The following AFF1 variants were observed in gnomAD, a reference collection of about 807,000 sequenced individuals.
AFF1 encodes AF4/FMR2 family member 1.
AFF1 carries 48 observed loss-of-function variants against 121.7 expected under a neutral mutation model. The observed-to-expected ratio is 0.39, with a 90% CI of 0.31 to 0.50. AFF1 has a LOEUF of 0.50. Among genes scored for constraint, AFF1 ranks in the 20% least tolerant of loss-of-function variants. The probability of loss-of-function intolerance (pLI) is 0.76; values close to 1 mark genes in which losing one functional copy is unlikely to be tolerated. For missense variants in AFF1, 1,523 were observed against 1,511.7 expected (o/e 1.01, Z -0.12); for synonymous variants, 613 against 563.0 (o/e 1.09, Z -1.26).
chr4:87,022,955 T>C (rs1318384846), intron 2 of AFF1, among the ~76,000 whole-genome samples: 1 of 151,864 alleles, frequency 6.6e-6, no homozygotes, highest in Non-Finnish European at 1.5e-5. Flanking sequence ...CAGACTGGAG[T>C]GTAGTGGTGT....
At chr4:87,000,109 C>T (rs2149518984) in intron 2 of AFF1, among the ~76,000 whole-genome samples, 1 of 152,116 alleles carries the variant, frequency 6.6e-6, no homozygotes, top group East Asian at 1.9e-4. Flanking sequence ...AAAGGAAATA[C>T]CTGTGAGAGC....
At chr4:87,035,024 A>T (rs539076407) in intron 2 of AFF1, among the ~76,000 whole-genome samples, 1 of 152,228 alleles carries the variant, frequency 6.6e-6, no homozygotes, top group Non-Finnish European at 1.5e-5. Context: ...CTGTAGGCAC[A>T]CATATATAAA....
At position 87,105,836 on chromosome 4, in the gene AFF1, C is replaced by T. The variant is rs745448426; in HGVS notation, c.1367C>T (p.Ala456Val). 4 of 1,614,024 alleles carry T rather than the reference C, an allele frequency of 2.5e-6. No individual in the cohort carries two copies. Among genetic ancestry groups the T allele is most frequent in the African/African-American group, 2.7e-5 (2 of 74,920 alleles). ...QTPEKPPSSS[A>V]PPSAPQSLPE... ...CCAGAGAAGCCTCCCTCCTCATCTG[C>T]ACCTCCAAGGTACCGTGTGGGTTTC... Residue 456 changes from alanine (A) to valine (V), a missense_variant, in exon 10 of 21, where the codon GCA (alanine) becomes GTA (valine). Coordinates refer to ENST00000395146, the MANE Select transcript of AFF1 (RefSeq NM_001166693.3).
At chr4:87,125,009 A>G in intron 12 of AFF1, 28 bp from the exon 13 acceptor site, 2 of 1,528,354 alleles carry the variant, frequency 1.3e-6, no homozygotes, top group South Asian at 1.2e-5. Flanking sequence ...GTTGGTAATA[A>G]TTTGCTTTGC....
At chr4:86,953,774 C>T (rs1323234752) in intron 2 of AFF1, among the ~76,000 whole-genome samples, 2 of 151,728 alleles carry the variant, frequency 1.3e-5, no homozygotes, top group Non-Finnish European at 2.9e-5. Flanking sequence ...GGCTGGAATG[C>T]AATGGCGCGA....
intron 12 of AFF1, 52 bp downstream of exon 12, chr4:87,115,351 G>C: frequency 6.8e-7 from 1 of 1,464,256 alleles, no homozygotes; most frequent in Non-Finnish European, 9.1e-7. Flanking sequence ...CTTGCTGTTG[G>C]CCTGGCGGTA....
chr4:87,038,899 G>T (rs1453753351), intron 2 of AFF1, among the ~76,000 whole-genome samples: 5 of 152,296 alleles, frequency 3.3e-5, no homozygotes, highest in South Asian at 2.1e-4. Flanking sequence ...TAGAGAGTTG[G>T]TGACATGTAT....
At chr4:86,997,310 CAAG>C (rs1346553189) in intron 2 of AFF1, among the ~76,000 whole-genome samples, 1 of 152,190 alleles carries the variant, frequency 6.6e-6, no homozygotes, top group Non-Finnish European at 1.5e-5. Context: ...TCCCCACCAG[CAAG>C]AAGGCTTTCA....
chr4:86,962,183 A>C (rs1246962324), intron 2 of AFF1, among the ~76,000 whole-genome samples: 1 of 140,038 alleles, frequency 7.1e-6, no homozygotes, highest in East Asian at 2.1e-4. Flanking sequence ...CATGTCCTCA[A>C]CCTGGAGTAG....
At chr4:87,024,747 C>G (rs1728359365) in intron 2 of AFF1, among the ~76,000 whole-genome samples, 1 of 152,062 alleles carries the variant, frequency 6.6e-6, no homozygotes, top group South Asian at 2.1e-4. Flanking sequence ...CACCACCACG[C>G]CTGGCTAATT....
intron 4 of AFF1, among the ~76,000 whole-genome samples, chr4:87,060,835 C>CAAAAGAA (rs1720679625): frequency 1.6e-5 from 1 of 62,296 alleles, no homozygotes; most frequent in Non-Finnish European, 3.2e-5. Flanking sequence ...GACTCTGTCT[C>CAAAAGAA]AAAAAAAAAA....
chr4:87,101,635 C>A (rs1194544158), intron 8 of AFF1, among the ~76,000 whole-genome samples: 2 of 151,994 alleles, frequency 1.3e-5, no homozygotes, highest in Non-Finnish European at 2.9e-5. Flanking sequence ...CAGCCTCTTT[C>A]TCCTGCCTTG....
intron 2 of AFF1, among the ~76,000 whole-genome samples, chr4:86,960,470 A>G (rs1722068816): frequency 6.6e-6 from 1 of 152,174 alleles, no homozygotes; most frequent in Admixed American, 6.5e-5. Flanking sequence ...GCAGTGTAGA[A>G]AAAGGTCCGT....
rs74843399 is a variant in AFF1, at chr4:87,097,778, G to A, written c.1283+2809G>A. ...GTGCCAGAATGAAATGTATCCTTGG[G>A]AAAAAGGAATGACTTTTATGAACTC... On this transcript the variant is annotated intron_variant, in intron 8 of 20. Coordinates refer to ENST00000395146, the MANE Select transcript of AFF1 (RefSeq NM_001166693.3). 1.3e-3 allele frequency among the ~76,000 whole-genome samples: 204 copies of A among 152,204 alleles called. 6 individuals carry two copies. The East Asian group carries it at 0.033, about 24-fold the overall frequency.
At chr4:87,069,966 G>C (rs542560226) in intron 4 of AFF1, among the ~76,000 whole-genome samples, 2 of 151,148 alleles carry the variant, frequency 1.3e-5, no homozygotes, top group African/African-American at 4.9e-5. Flanking sequence ...GATTACAGGC[G>C]TGTGCCACAA....
chr4:86,992,479 C>T (rs1454469344), intron 2 of AFF1, among the ~76,000 whole-genome samples: 1 of 152,126 alleles, frequency 6.6e-6, no homozygotes, highest in South Asian at 2.1e-4. Context: ...GGAACATTAT[C>T]ATATTTGGAA....
chr4:87,127,086 A>G lies in AFF1; in HGVS notation c.2872A>G (p.Lys958Glu), dbSNP rs539459121. The part of the protein sequence containing the change: ...PVPSLPNGNS[K>E]PGKPQVKFDK... ...GCCTTCTTTGCCAAATGGTAACTCT[A>G]AACCAGGGAAGCCTCAAGTGAAGTT... is the stretch of plus-strand genomic sequence containing the variant. Residue 958 changes from lysine (K) to glutamate (E), a missense_variant, in exon 15 of 21, where the codon AAA becomes GAA. Around this residue, in one of 5 missense-constraint regions of AFF1, gnomAD observed 905 missense variants for 842.5 expected, o/e 1.07. Transcript: ENST00000395146. 3.1e-6 allele frequency: 5 copies of G among 1,613,298 alleles called. No individual in the cohort carries two copies. In the East Asian group the frequency reaches 8.9e-5, roughly 29 times the overall value.
intron 4 of AFF1, among the ~76,000 whole-genome samples, chr4:87,075,415 A>G (rs1220135731): frequency 6.6e-6 from 1 of 152,164 alleles, no homozygotes; most frequent in Non-Finnish European, 1.5e-5. Context: ...TCTCCTATCT[A>G]CACGATATAT....
At chr4:86,970,733 A>G (rs1165036641) in intron 2 of AFF1, among the ~76,000 whole-genome samples, 1 of 152,204 alleles carries the variant, frequency 6.6e-6, no homozygotes, top group Non-Finnish European at 1.5e-5. Flanking sequence ...TGCTGCTGCT[A>G]AGGTTATGTT....
Sources: allele counts gnomAD v4.1 joint callset (sites outside exome capture counted in the v4.1 genomes callset), GRCh38; gene constraint gnomAD v4.1.1; regional missense constraint gnomAD v4.1.1; transcripts MANE v1.5; gene names NCBI Gene and HGNC (gene_info 2026-07-23, HGNC 2026-07-21).